The following SEMA3D variants were observed in gnomAD, a reference collection of about 807,000 sequenced individuals.
SEMA3D encodes semaphorin-3D.
Under a neutral mutation model 100.1 loss-of-function variants are expected in SEMA3D, and 84 were observed. That is an observed-to-expected ratio of 0.84 (90% confidence interval 0.70 to 1.01). SEMA3D has a LOEUF of 1.01. Ranked by LOEUF, SEMA3D falls within the 50% of genes least tolerant of loss-of-function variation. The pLI is 0.00. For synonymous variants in SEMA3D, 312 were observed against 320.7 expected (o/e 0.97, Z 0.29); for missense variants, 875 against 934.1 (o/e 0.94, Z 0.82).
intron 5 of SEMA3D, among the ~76,000 whole-genome samples, chr7:85,073,891 C>T (rs923588951): frequency 3.3e-5 from 5 of 152,130 alleles, no homozygotes; most frequent in African/African-American, 4.8e-5. Context: ...TCTGCATATG[C>T]TTATGCCTAA....
the SEMA3D span, among the ~76,000 whole-genome samples, chr7:85,240,358 T>C: frequency 6.6e-6 from 1 of 152,172 alleles, no homozygotes; most frequent in Admixed American, 6.5e-5. Context: ...CTCATTTGTA[T>C]GTGATGTATT....
At chr7:85,057,373 T>A (rs755848260) in intron 8 of SEMA3D, among the ~76,000 whole-genome samples, 2 of 152,098 alleles carry the variant, frequency 1.3e-5, no homozygotes, top group Non-Finnish European at 2.9e-5. Context: ...AGGAAAGACT[T>A]CAATTAGAAA....
chr7:85,078,525 C>A (rs897984920), intron 5 of SEMA3D, among the ~76,000 whole-genome samples: 5 of 152,060 alleles, frequency 3.3e-5, no homozygotes, highest in African/African-American at 1.2e-4. Context: ...GCTGTTTAAC[C>A]CACAATTATA....
intron 9 of SEMA3D, among the ~76,000 whole-genome samples, chr7:85,043,182 A>C (rs1420275784): frequency 6.6e-6 from 1 of 151,982 alleles, no homozygotes; most frequent in Non-Finnish European, 1.5e-5. Flanking sequence ...ACATAGTGGG[A>C]TCTCATCTCT....
At chr7:85,083,723 T>A (rs1788131908) in intron 4 of SEMA3D, among the ~76,000 whole-genome samples, 1 of 151,022 alleles carries the variant, frequency 6.6e-6, no homozygotes, top group Non-Finnish European at 1.5e-5. Flanking sequence ...GGCGGGCGCC[T>A]GTAGTCCCAG....
intron 12 of SEMA3D, among the ~76,000 whole-genome samples, chr7:85,035,111 G>T (rs1270784894): frequency 6.6e-6 from 1 of 151,066 alleles, no homozygotes; most frequent in Non-Finnish European, 1.5e-5. Context: ...TAAAGAAAAT[G>T]TGTGTGTGTG....
chr7:85,152,835 C>T (rs1790466618), intron 2 of SEMA3D, among the ~76,000 whole-genome samples: 1 of 152,084 alleles, frequency 6.6e-6, no homozygotes, highest in Non-Finnish European at 1.5e-5. Flanking sequence ...CATAATTGTT[C>T]ATCTTTAGTT....
chr7:85,092,635 G>A (rs182073602), intron 4 of SEMA3D, among the ~76,000 whole-genome samples: 3 of 151,830 alleles, frequency 2.0e-5, no homozygotes, highest in Non-Finnish European at 4.4e-5. Flanking sequence ...TATGTTTTCT[G>A]TACATTAACT....
chr7:85,097,759 A>G (rs760009560), intron 4 of SEMA3D, 46 bp downstream of exon 4: 21 of 1,224,814 alleles, frequency 1.7e-5, no homozygotes, highest in Non-Finnish European at 2.3e-5. Context: ...AAGAAGAGAG[A>G]TGAAAATAAA....
At chr7:85,187,463 G>C (rs935047508), upstream of SEMA3D, among the ~76,000 whole-genome samples, 3 of 152,280 alleles carry the variant, frequency 2.0e-5, 1 homozygote, top group African/African-American at 7.2e-5. Flanking sequence ...ACGGTTAATG[G>C]CCTTGACAAG....
At chr7:85,225,212 C>CAT in the SEMA3D span, among the ~76,000 whole-genome samples, 9 of 142,174 alleles carry the variant, frequency 6.3e-5, no homozygotes, top group African/African-American at 1.0e-4. Context: ...ATATATTATA[C>CAT]ATATATATAT....
chr7:85,073,597 T>A (rs1330044241), intron 5 of SEMA3D, among the ~76,000 whole-genome samples: 1 of 152,172 alleles, frequency 6.6e-6, no homozygotes, highest in East Asian at 1.9e-4. Context: ...GAATTTATCA[T>A]GATCTGTTGT....
chr7:85,236,285 A>ATTTTATTTTAT, the SEMA3D span, among the ~76,000 whole-genome samples: 18 of 113,104 alleles, frequency 1.6e-4, no homozygotes, highest in African/African-American at 5.9e-4. Flanking sequence ...ATTTTATTTT[A>ATTTTATTTTAT]TTTATTTATT....
intron 12 of SEMA3D, chr7:85,028,878 C>T (rs1790465726): frequency 4.1e-6 from 1 of 243,504 alleles, no homozygotes. Flanking sequence ...GTAGCTTCTC[C>T]AAGGCATCTT....
At chr7:85,009,000 C>T (rs1390777462) in intron 17 of SEMA3D, among the ~76,000 whole-genome samples, 2 of 151,670 alleles carry the variant, frequency 1.3e-5, no homozygotes, top group African/African-American at 4.8e-5. Context: ...ATTCCAAAAT[C>T]TGATAAAATG....
intron 9 of SEMA3D, among the ~76,000 whole-genome samples, chr7:85,046,014 A>C (rs1024592058): frequency 2.0e-5 from 3 of 151,972 alleles, no homozygotes; most frequent in Admixed American, 2.0e-4. Flanking sequence ...TACTAAAAAT[A>C]ATGTTGATTC....
intron 1 of SEMA3D, among the ~76,000 whole-genome samples, chr7:85,164,291 A>T (rs1218550399): frequency 1.3e-5 from 2 of 152,128 alleles, no homozygotes; most frequent in Admixed American, 6.6e-5. Flanking sequence ...TAAACTAGTT[A>T]TTTAAACTAG....
intron 12 of SEMA3D, among the ~76,000 whole-genome samples, chr7:85,025,349 G>A (rs1207832807): frequency 6.6e-6 from 1 of 151,988 alleles, no homozygotes; most frequent in Non-Finnish European, 1.5e-5. Context: ...CACACCCTGA[G>A]ATGAAAGTGG....
intron 2 of SEMA3D, among the ~76,000 whole-genome samples, chr7:85,135,754 C>T (rs1789846621): frequency 6.7e-6 from 1 of 148,160 alleles, no homozygotes; most frequent in Admixed American, 6.8e-5. Flanking sequence ...TCAAGTTTCT[C>T]CCTCTTCCTA....
Sources: allele counts gnomAD v4.1 joint callset (sites outside exome capture counted in the v4.1 genomes callset), GRCh38; gene constraint gnomAD v4.1.1; transcripts MANE v1.5; gene names NCBI Gene and HGNC (gene_info 2026-07-23, HGNC 2026-07-21).